Variants in SLC35F1 observed in about 807,000 individuals in gnomAD.
SLC35F1 encodes chromosome 6 open reading frame 169.
SLC35F1 carries 14 observed loss-of-function variants against 48.7 expected under a neutral mutation model. That is an observed-to-expected ratio of 0.29 (90% CI 0.19 to 0.45). The LOEUF (loss-of-function observed/expected upper bound fraction) is 0.45, where lower values mean the gene tolerates loss of function less well. Among genes scored for constraint, SLC35F1 ranks in the 20% least tolerant of loss-of-function variants. SLC35F1 has a pLI of 1.00. For synonymous variants in SLC35F1, 190 were observed against 202.2 expected (o/e 0.94, Z 0.51); for missense variants, 404 against 500.0 (o/e 0.81, Z 1.83).
intron 5 of SLC35F1, among the ~76,000 whole-genome samples, chr6:118,277,225 T>G (rs1775928354): frequency 2.6e-5 from 4 of 152,216 alleles, no homozygotes; most frequent in Admixed American, 2.6e-4. Flanking sequence ...AAACAAAGGC[T>G]GTAGGCAGAC....
At chr6:118,277,385 G>T in intron 5 of SLC35F1, 109 bp from the exon 6 acceptor site, 5 of 971,524 alleles carry the variant, frequency 5.1e-6, no homozygotes, top group Non-Finnish European at 8.0e-6. Context: ...AATTCATCTG[G>T]TTGCTTCATT....
At chr6:118,178,174 C>G (rs1774520307) in intron 2 of SLC35F1, among the ~76,000 whole-genome samples, 1 of 152,052 alleles carries the variant, frequency 6.6e-6, no homozygotes, top group Non-Finnish European at 1.5e-5. Flanking sequence ...ATCCACACCT[C>G]CTGGGGGTTG....
chr6:118,194,857 G>A (rs1289890955), intron 2 of SLC35F1, among the ~76,000 whole-genome samples: 1 of 151,948 alleles, frequency 6.6e-6, no homozygotes. Context: ...CCACACTATA[G>A]CCCTGGAGAC....
intron 2 of SLC35F1, among the ~76,000 whole-genome samples, chr6:118,197,482 G>A (rs895815990): frequency 6.6e-6 from 1 of 152,136 alleles, no homozygotes; most frequent in Non-Finnish European, 1.5e-5. Flanking sequence ...AAGTACAGAG[G>A]CTCAGACAAA....
intron 2 of SLC35F1, among the ~76,000 whole-genome samples, chr6:118,174,599 G>A (rs1774458582): frequency 2.0e-5 from 3 of 152,000 alleles, no homozygotes; most frequent in Admixed American, 2.0e-4. Context: ...TGGACTTCTG[G>A]AAGAAAAAGA....
chr6:117,923,611 A>ATGTACATATG lies in SLC35F1; in HGVS notation c.173+15713_173+15714insGTACATATGT, dbSNP rs1554216657. On this transcript the variant is annotated intron_variant, in intron 1 of 7. Transcript: ENST00000360388. ...TATATACATATGTGTATATATACATATACATATGTATATATACATATATGT... is the reference window on the plus strand; with the variant it reads ...TATATACATATGTGTATATATACATATGTACATATGTACATATGTATATATACATATATGT... 1.0e-4 allele frequency among the ~76,000 whole-genome samples: 2 copies of ATGTACATATG among 19,874 alleles called. 1 individual carries two copies. The highest frequency in any genetic ancestry group is 1.3e-3 in the Admixed American group (2 of 1,496). The allele number at this position is 19,874 out of a possible 152,430, so 13.0% of individuals were successfully genotyped here. A position where few individuals can be genotyped will look rare whatever the true frequency, so the allele number is the denominator to read the frequency against.
chr6:118,040,961 C>T (rs372447661), intron 1 of SLC35F1, among the ~76,000 whole-genome samples: 1 of 151,918 alleles, frequency 6.6e-6, no homozygotes, highest in Non-Finnish European at 1.5e-5. Flanking sequence ...TAAAATTACA[C>T]TTATTTTGGT....
In SLC35F1 at chr6:118,235,810, T is replaced by G. The variant is rs73768604; in HGVS notation, c.477+174T>G. 9.9e-3 allele frequency among the ~76,000 whole-genome samples: 1,514 copies of G among 152,242 alleles called. 28 individuals are homozygous for G. The highest frequency in any genetic ancestry group is 0.035 in the African/African-American group (1,459 of 41,536). The stretch of plus-strand genomic sequence containing the variant: ...TAAGTCTATGAGTTTTGCAACAAGA[T>G]GGAAACTGGTTATATAAAAATTAAC... On this transcript the variant is annotated intron_variant, in intron 3 of 7. Coordinates refer to ENST00000360388, the MANE Select transcript of SLC35F1 (RefSeq NM_001029858.4).
intron 1 of SLC35F1, among the ~76,000 whole-genome samples, chr6:118,020,781 C>T (rs904581096): frequency 2.6e-5 from 4 of 152,068 alleles, no homozygotes; most frequent in Non-Finnish European, 5.9e-5. Context: ...TGAGTAGGTT[C>T]CCCAAGGATG....
chr6:118,023,425 G>A (rs11153713), intron 1 of SLC35F1, among the ~76,000 whole-genome samples: 31,047 of 152,050 alleles, frequency 0.2, 3,324 homozygotes, highest in East Asian at 0.3. Flanking sequence ...AATCCTTATG[G>A]GGATTGGCAG....
chr6:118,084,679 A>AGCT, intron 1 of SLC35F1, among the ~76,000 whole-genome samples: 1 of 152,062 alleles, frequency 6.6e-6, no homozygotes, highest in Non-Finnish European at 1.5e-5. Flanking sequence ...TTCTGGCTCA[A>AGCT]GCAATGAGGG....
At chr6:118,220,805 T>A (rs1472514466) in intron 2 of SLC35F1, among the ~76,000 whole-genome samples, 2 of 152,358 alleles carry the variant, frequency 1.3e-5, no homozygotes, top group East Asian at 3.9e-4. Flanking sequence ...TATTGACAAC[T>A]GAAGCACTGG....
chr6:118,143,756 G>A (rs375004616), intron 1 of SLC35F1, among the ~76,000 whole-genome samples: 93 of 152,232 alleles, frequency 6.1e-4, no homozygotes, highest in African/African-American at 2.2e-3. Flanking sequence ...TCGACCATGA[G>A]GTAGTTACTG....
chr6:117,997,366 G>T (rs975849344), intron 1 of SLC35F1, among the ~76,000 whole-genome samples: 20 of 150,468 alleles, frequency 1.3e-4, no homozygotes, highest in African/African-American at 4.8e-4. Context: ...TATTATCCAG[G>T]AGAACTTCCC....
chr6:118,130,516 C>G (rs1474533840), intron 1 of SLC35F1, among the ~76,000 whole-genome samples: 1 of 151,986 alleles, frequency 6.6e-6, no homozygotes, highest in Non-Finnish European at 1.5e-5. Flanking sequence ...AACAAAAAAA[C>G]TGGTTTACTG....
At chr6:117,975,145 A>G (rs1776690029) in intron 1 of SLC35F1, among the ~76,000 whole-genome samples, 1 of 152,220 alleles carries the variant, frequency 6.6e-6, no homozygotes, top group Non-Finnish European at 1.5e-5. Flanking sequence ...ACAGATGGAA[A>G]TGTTTACTTC....
chr6:118,232,173 T>C (rs1276630579), intron 2 of SLC35F1, among the ~76,000 whole-genome samples: 2 of 152,142 alleles, frequency 1.3e-5, no homozygotes, highest in Non-Finnish European at 2.9e-5. Flanking sequence ...ACAATTCTGC[T>C]CTCTCCAAAT....
chr6:117,947,423 A>G (rs989539236), intron 1 of SLC35F1, among the ~76,000 whole-genome samples: 3 of 152,166 alleles, frequency 2.0e-5, no homozygotes, highest in Non-Finnish European at 4.4e-5. Flanking sequence ...TCCTAGCACA[A>G]TGAGTCATTT....
intron 1 of SLC35F1, among the ~76,000 whole-genome samples, chr6:117,917,853 A>G (rs2114798208): frequency 7.3e-6 from 1 of 136,590 alleles, no homozygotes; most frequent in South Asian, 2.2e-4. Flanking sequence ...AGGGGTACCA[A>G]GAACAATTTG....
Sources: allele counts gnomAD v4.1 joint callset (sites outside exome capture counted in the v4.1 genomes callset), GRCh38; gene constraint gnomAD v4.1.1; transcripts MANE v1.5; gene names NCBI Gene and HGNC (gene_info 2026-07-23, HGNC 2026-07-21).